PLOD2: variants seen among roughly 807,000 people sequenced by gnomAD.
PLOD2 encodes the protein procollagen-lysine,2-oxoglutarate 5-dioxygenase 2, also known as lysine hydroxylase 2.
Under a neutral mutation model 101.0 loss-of-function variants are expected in PLOD2, and 65 were observed. The observed-to-expected ratio is 0.64, with a 90% CI of 0.53 to 0.79. The LOEUF is 0.79. PLOD2 is among the 30% of genes least tolerant of loss of function. The pLI is 0.00. For synonymous variants in PLOD2, 314 were observed against 302.9 expected (o/e 1.04, Z -0.38); for missense variants, 909 against 914.6 (o/e 0.99, Z 0.08).
chr3:146,106,779 A>C, intron 4 of PLOD2, 135 bp from the exon 5 acceptor site: 2 of 692,572 alleles, frequency 2.9e-6, no homozygotes, highest in Non-Finnish European at 5.3e-6. Context: ...TTCACAGCTC[A>C]CCATGAAAGA....
intron 7 of PLOD2, among the ~76,000 whole-genome samples, chr3:146,097,340 G>A (rs1275163493): frequency 6.9e-6 from 1 of 145,076 alleles, no homozygotes; most frequent in Non-Finnish European, 1.5e-5. Flanking sequence ...GACAATGGCG[G>A]TTTTGTGGAA....
chr3:146,083,805 T>A (rs1322660915), intron 11 of PLOD2, among the ~76,000 whole-genome samples: 2 of 151,816 alleles, frequency 1.3e-5, no homozygotes, highest in African/African-American at 4.8e-5. Flanking sequence ...ATGATCTCGA[T>A]CTCCTGACCT....
rs1937539504 is a variant in PLOD2, at chr3:146,106,631, A to G, written c.516T>C (p.Tyr172=). 1.3e-6 allele frequency: 2 copies of G among 1,537,918 alleles called. No homozygotes were observed. The highest frequency in any genetic ancestry group is 1.8e-6 in the Non-Finnish European group (2 of 1,110,616). ...RYLNSGGFIG[Y]APYVNRIVQQ... ...GAACTATACGGTTGACATATGGAGCATAGCCAATAAATCCTGCAACACAGC... is the reference window on the plus strand; with the variant it reads ...GAACTATACGGTTGACATATGGAGCGTAGCCAATAAATCCTGCAACACAGC... Residue 172 remains tyrosine, a synonymous_variant, in exon 5 of 20, where the codon TAT becomes TAC. Transcript: ENST00000282903.
At chr3:146,109,017 C>T (rs933710932) in intron 4 of PLOD2, among the ~76,000 whole-genome samples, 6 of 152,046 alleles carry the variant, frequency 3.9e-5, no homozygotes, top group African/African-American at 1.2e-4. Flanking sequence ...ATCCATGAGC[C>T]GCATGCTCAA....
chr3:146,137,615 C>T (rs1039091550), intron 1 of PLOD2, among the ~76,000 whole-genome samples: 1 of 152,126 alleles, frequency 6.6e-6, no homozygotes, highest in African/African-American at 2.4e-5. Context: ...TGTCCTTGCT[C>T]AGTGCTTTTC....
chr3:146,093,060 A>G (rs991438490), intron 7 of PLOD2, among the ~76,000 whole-genome samples: 54 of 151,860 alleles, frequency 3.6e-4, no homozygotes, highest in African/African-American at 1.2e-3. Flanking sequence ...AAAATGTACC[A>G]AAGTGTCAAC....
rs779510787 is a variant in PLOD2, at chr3:146,071,358, A to G, written c.1914T>C (p.Asp638=). The G allele has an allele frequency of 6.2e-7, 1 of 1,612,186 alleles. No individual in the cohort carries two copies. The highest frequency in any genetic ancestry group is 8.5e-7 in the Non-Finnish European group (1 of 1,178,720). The change falls in exon 18 of 20, where the codon GAT becomes GAC. Residue 638 remains aspartate, a synonymous_variant. Transcript: ENST00000282903. ...TAAAATGAAGCCATACATTCTCCAG[A>G]TCAACTTGCTTCATGTGGATATCAT... is the stretch of plus-strand genomic sequence containing the variant. ...PTDDIHMKQV[D]LENVWLHFIR...
chr3:146,142,970 C>A (rs2031596845), intron 1 of PLOD2, among the ~76,000 whole-genome samples: 1 of 152,108 alleles, frequency 6.6e-6, no homozygotes, highest in Non-Finnish European at 1.5e-5. Flanking sequence ...GGTTATAACA[C>A]AATTTCTGTA....
At chr3:146,125,098 C>T (rs1437687378) in intron 1 of PLOD2, among the ~76,000 whole-genome samples, 2 of 149,848 alleles carry the variant, frequency 1.3e-5, no homozygotes, top group South Asian at 4.2e-4. Flanking sequence ...TTTTTTTTAA[C>T]TGAAGATTTA....
At chr3:146,086,127 T>A (rs563534514) in intron 10 of PLOD2, 1 of 152,340 alleles carries the variant, frequency 6.6e-6, no homozygotes, top group South Asian at 2.1e-4. Context: ...TCAGAATCCA[T>A]CCCTCTGGGA....
chr3:146,131,757 A>T (rs1048933437), intron 1 of PLOD2, among the ~76,000 whole-genome samples: 5 of 152,324 alleles, frequency 3.3e-5, no homozygotes, highest in African/African-American at 1.2e-4. Flanking sequence ...CATTGCACAC[A>T]ATTTTGTTGC....
In PLOD2 at chr3:146,088,681, TA is replaced by T; in HGVS notation, c.909del (p.Phe303LeufsTer17). 6.2e-7 allele frequency: 1 copy of T among 1,608,126 alleles called. No homozygotes were observed. Among genetic ancestry groups the T allele is most frequent in the Non-Finnish European group, 8.5e-7 (1 of 1,175,058 alleles). ...DVHPNVSIGV[F>X]IEQPTPFLPR... ...GGTAGAAAAGGGGTTGGTTGCTCAATAAAAACACCTATTGATACGTTTGGAT... is the reference window on the plus strand; with the variant it reads ...GGTAGAAAAGGGGTTGGTTGCTCAATAAAACACCTATTGATACGTTTGGAT... On this transcript the variant is annotated frameshift_variant, in exon 9 of 20. Transcript: ENST00000282903. LOFTEE classifies it high-confidence loss of function.
chr3:146,135,405 A>G lies in PLOD2; in HGVS notation c.110-11176T>C, dbSNP rs75448717. Among the ~76,000 whole-genome samples the G allele has an allele frequency of 6.8e-4, 103 of 152,316 alleles. No homozygotes were observed. The East Asian group carries it at 0.019, about 28-fold the overall frequency. The stretch of plus-strand genomic sequence containing the variant: ...TATGGAATTACCACAAGACTCCAAA[A>G]AAGTTTATTATTCACTCTGTGTTGA... On this transcript the variant is annotated intron_variant, in intron 1 of 19. Coordinates refer to ENST00000282903, the MANE Select transcript of PLOD2 (RefSeq NM_182943.3).
chr3:146,119,491 T>G (rs976096886), intron 3 of PLOD2, among the ~76,000 whole-genome samples: 1 of 152,158 alleles, frequency 6.6e-6, no homozygotes, highest in Non-Finnish European at 1.5e-5. Flanking sequence ...GTGCACAACG[T>G]GCAGGTTAGT....
Position 146,110,398 on chromosome 3 carries a change from T to C in PLOD2, c.389A>G (p.Gln130Arg). The C allele has an allele frequency of 1.2e-6, 2 of 1,613,694 alleles. No individual in the cohort carries two copies. The change falls in exon 4 of 20, where the codon CAA becomes CGA. Residue 130 changes from glutamine (Q) to arginine (R), a missense_variant. Gln to Arg is a conservative substitution (Grantham distance 43, BLOSUM62 1). Coordinates refer to ENST00000282903, the MANE Select transcript of PLOD2 (RefSeq NM_182943.3). ...AAAGACCACTTTGTGGTTTGCCTTT[T>C]GGAATTTTTTTAGAACTTCTTCTGG... The part of the protein sequence containing the change: ...GGPEEVLKKF[Q>R]KANHKVVFAA...
chr3:146,077,495 T>TGATTAATA (rs1936387283), intron 14 of PLOD2: 1 of 181,804 alleles, frequency 5.5e-6, no homozygotes, highest in Non-Finnish European at 1.1e-5. Flanking sequence ...AAAGAGTTAG[T>TGATTAATA]GATTAATAAC....
intron 1 of PLOD2, among the ~76,000 whole-genome samples, chr3:146,145,386 C>G (rs2031728880): frequency 6.6e-6 from 1 of 152,058 alleles, no homozygotes; most frequent in Non-Finnish European, 1.5e-5. Flanking sequence ...TACCTACCAC[C>G]TGAAATTATC....
intron 12 of PLOD2, among the ~76,000 whole-genome samples, chr3:146,079,811 C>A (rs1373023927): frequency 6.6e-6 from 1 of 151,900 alleles, no homozygotes; most frequent in Non-Finnish European, 1.5e-5. Flanking sequence ...ACACATTTAC[C>A]AAAATACCAC....
chr3:146,159,511 C>T lies in PLOD2; in HGVS notation c.109+1370G>A, dbSNP rs549351123. Among the ~76,000 whole-genome samples, 8 of 152,298 alleles carry T rather than the reference C, an allele frequency of 5.3e-5. No individual in the cohort carries two copies. The East Asian group carries it at 1.3e-3, about 26-fold the overall frequency. On this transcript the variant is annotated intron_variant, in intron 1 of 19. Coordinates refer to ENST00000282903, the MANE Select transcript of PLOD2 (RefSeq NM_182943.3). ...TTATTTTATTTCCCAGTTAAAGTCT[C>T]CTTGGGTGTTTCAACAAAGAAAGAC... is the stretch of plus-strand genomic sequence containing the variant.
Sources: allele counts gnomAD v4.1 joint callset (sites outside exome capture counted in the v4.1 genomes callset), GRCh38; gene constraint gnomAD v4.1.1; transcripts MANE v1.5; gene names NCBI Gene and HGNC (gene_info 2026-07-23, HGNC 2026-07-21).